The following EHMT1 variants were observed in gnomAD, a reference collection of about 807,000 sequenced individuals.
EHMT1 encodes histone-lysine N-methyltransferase EHMT1.
In EHMT1, 15 loss-of-function variants were observed where a neutral mutation model predicts 147.2. That is an observed-to-expected ratio of 0.10 (90% CI 0.07 to 0.16). The LOEUF (loss-of-function observed/expected upper bound fraction) is 0.16. EHMT1 is among the 10% of genes least tolerant of loss of function. The pLI is 1.00. For missense variants in EHMT1, 1,587 were observed against 1,772.4 expected, an observed-to-expected ratio of 0.90 and a Z score of 1.88; for synonymous variants, 795 against 709.6, an observed-to-expected ratio of 1.12 and a Z score of -1.91.
chr9:137,650,198 A>C (rs773757675), intron 1 of EHMT1, among the ~76,000 whole-genome samples: 9 of 152,120 alleles, frequency 5.9e-5, no homozygotes, highest in Admixed American at 1.3e-4. Context: ...TCCCAGGCTC[A>C]AGTGATCCTC....
At chr9:137,664,319 T>C (rs1939399586) in intron 1 of EHMT1, among the ~76,000 whole-genome samples, 1 of 150,668 alleles carries the variant, frequency 6.6e-6, no homozygotes, top group Admixed American at 6.7e-5. Flanking sequence ...TGAGACTGAG[T>C]CGTGCTCTGT....
rs369301679 is a variant in EHMT1 at position 137,810,098 on chromosome 9, T to C, written c.2713-1363T>C. Among the ~76,000 whole-genome samples the C allele has an allele frequency of 7.5e-4, 84 of 112,184 alleles. 1 individual carries two copies. Among genetic ancestry groups the C allele is most frequent in the Admixed American group, 1.4e-3 (17 of 12,484 alleles). The allele number at this position is 112,184 out of a possible 152,430, so 73.6% of individuals were successfully genotyped here. The stretch of plus-strand genomic sequence containing the variant: ...TCCGGAGGCGGTTCGGATGCCGCCC[T>C]GTGTGGACCGTCGGTGATGGGTCCG... On this transcript the variant is annotated intron_variant, in intron 18 of 26. Transcript: ENST00000460843.
intron 1 of EHMT1, among the ~76,000 whole-genome samples, chr9:137,652,690 T>A (rs1199928225): frequency 6.7e-6 from 1 of 149,728 alleles, no homozygotes; most frequent in Non-Finnish European, 1.5e-5. Context: ...CTGGCTAGTG[T>A]ATCTTAGTTT....
At chr9:137,684,742 C>T (rs901548541) in intron 1 of EHMT1, among the ~76,000 whole-genome samples, 3 of 152,126 alleles carry the variant, frequency 2.0e-5, no homozygotes, top group African/African-American at 7.2e-5. Flanking sequence ...ATCTCCACCT[C>T]AGCCTCCCAA....
intron 1 of EHMT1, among the ~76,000 whole-genome samples, chr9:137,649,680 C>T (rs1845166958): frequency 6.6e-6 from 1 of 152,054 alleles, no homozygotes; most frequent in Non-Finnish European, 1.5e-5. Context: ...GCAGCGGAGG[C>T]AGAGGTGGGA....
chr9:137,769,872 T>G (rs1296483595), intron 10 of EHMT1, among the ~76,000 whole-genome samples: 1 of 152,184 alleles, frequency 6.6e-6, no homozygotes, highest in Non-Finnish European at 1.5e-5. Context: ...GGTCTTACTT[T>G]GTCACCCAGG....
Position 137,775,978 on chromosome 9 carries a change from T to C in EHMT1, c.1792-640T>C, listed in dbSNP as rs1326102399. 2.0e-5 allele frequency among the ~76,000 whole-genome samples: 3 copies of C among 152,234 alleles called. No homozygotes were observed. Among genetic ancestry groups the C allele is most frequent in the South Asian group, 2.1e-4 (1 of 4,830 alleles). ...GCGCCTGTGTGTGTGAGTGTTTGAG[T>C]GTGAGCTTCAGGCACCCAGAGATGC... On this transcript the variant is annotated intron_variant, in intron 11 of 26. Transcript: ENST00000460843. The surrounding 1 kb of genome is among the most constrained non-coding windows in gnomAD (Gnocchi z 6.1).
intron 1 of EHMT1, among the ~76,000 whole-genome samples, chr9:137,628,556 A>G (rs987449412): frequency 1.3e-5 from 2 of 152,216 alleles, no homozygotes; most frequent in African/African-American, 4.8e-5. Flanking sequence ...TTAGGATCAC[A>G]GGCGTGAACT....
chr9:137,811,405 C>T lies in EHMT1; in HGVS notation c.2713-56C>T. ...GGGCTGCAGCTGCTGTGGCCCAGCC[C>T]CAGCACTGTGAGCCAGCAGGAAGCC... On this transcript the variant is annotated intron_variant, in intron 18 of 26. Transcript: ENST00000460843. 8 of 1,606,206 alleles carry T rather than the reference C, an allele frequency of 5.0e-6. No individual in the cohort carries two copies. The South Asian group carries it at 8.8e-5, about 18-fold the overall frequency.
At chr9:137,832,098 C>G (rs1956234944) in intron 25 of EHMT1, among the ~76,000 whole-genome samples, 1 of 151,734 alleles carries the variant, frequency 6.6e-6, no homozygotes, top group Admixed American at 6.6e-5. Context: ...CACTTCGCCC[C>G]AGTCCTAGGA....
intron 4 of EHMT1, among the ~76,000 whole-genome samples, chr9:137,735,987 A>G (rs934336194): frequency 3.9e-5 from 6 of 152,196 alleles, no homozygotes; most frequent in East Asian, 1.9e-4. Flanking sequence ...TTTTATGGCA[A>G]CACTAAATGG....
At chr9:137,761,944 C>T (rs1176396911) in intron 9 of EHMT1, among the ~76,000 whole-genome samples, 3 of 152,248 alleles carry the variant, frequency 2.0e-5, no homozygotes, top group Admixed American at 1.3e-4. Flanking sequence ...CCTCCACCCC[C>T]GCCCCTGCTG....
chr9:137,657,854 T>C (rs1938639328), intron 1 of EHMT1, among the ~76,000 whole-genome samples: 1 of 151,772 alleles, frequency 6.6e-6, no homozygotes, highest in Admixed American at 6.6e-5. Flanking sequence ...CCTTCTACTT[T>C]TTTTTTTTAA....
chr9:137,636,896 C>CT (rs35700929), intron 1 of EHMT1, among the ~76,000 whole-genome samples: 1,469 of 120,928 alleles, frequency 0.012, 30 homozygotes, highest in African/African-American at 0.024. Context: ...CAGTTTCACT[C>CT]TTTTTTTTTT....
intron 18 of EHMT1, among the ~76,000 whole-genome samples, chr9:137,806,562 A>C (rs1358536552): frequency 6.6e-6 from 1 of 151,450 alleles, no homozygotes; most frequent in Non-Finnish European, 1.5e-5. Flanking sequence ...CAGCCTCCTG[A>C]GTACCTGGGA....
chr9:137,743,459 C>G lies in EHMT1; in HGVS notation c.912C>G (p.Thr304=), dbSNP rs1948280592. 1.2e-6 allele frequency: 2 copies of G among 1,613,526 alleles called. No individual in the cohort carries two copies. The highest frequency in any genetic ancestry group is 1.1e-5 in the South Asian group (1 of 91,066). The change falls in exon 5 of 27, where the codon ACC becomes ACG. Residue 304 remains threonine (T), a synonymous_variant. Coordinates refer to ENST00000460843, the MANE Select transcript of EHMT1 (RefSeq NM_024757.5). ...ATAGCCTGGTTCCTAAGAAAAAGAC[C>G]AAAGTATTAAAACAGAGGACGGTGA... ...GTYSLVPKKK[T]KVLKQRTVIE...
rs1950895870 is a variant in EHMT1 at position 137,775,579 on chromosome 9, C to T, written c.1791+327C>T. On this transcript the variant is annotated intron_variant, in intron 11 of 26. Coordinates refer to ENST00000460843, the MANE Select transcript of EHMT1 (RefSeq NM_024757.5). This position sits in a 1 kb window ranked among gnomAD's most constrained non-coding sequence, Gnocchi z 6.1. ...TGAAGGTGTCTAAGGCACTGGGGCTCGAGAGCAGTGGTGAGGGGCTTGTGA... is the reference window on the plus strand; with the variant it reads ...TGAAGGTGTCTAAGGCACTGGGGCTTGAGAGCAGTGGTGAGGGGCTTGTGA... Among the ~76,000 whole-genome samples, 1 of 151,712 alleles carries T rather than the reference C, an allele frequency of 6.6e-6. No individual in the cohort carries two copies. The highest frequency in any genetic ancestry group is 1.5e-5 in the Non-Finnish European group (1 of 67,868).
intron 1 of EHMT1, among the ~76,000 whole-genome samples, chr9:137,645,921 A>C (rs1462592402): frequency 2.6e-5 from 4 of 151,810 alleles, no homozygotes; most frequent in Admixed American, 2.6e-4. Flanking sequence ...TTGGATCTAT[A>C]CTGAGTTAAA....
At chr9:137,818,613 C>T (rs60921690) in intron 25 of EHMT1, among the ~76,000 whole-genome samples, 294 of 29,088 alleles carry the variant, frequency 0.01, 2 homozygotes, top group East Asian at 0.028. Context: ...GTACCGAGAC[C>T]GTAGAGAGGC....
Sources: gnomAD v4.1 joint callset for allele counts (sites outside exome capture counted in the v4.1 genomes callset) on GRCh38, gnomAD v4.1.1 for gene constraint, Gnocchi (gnomAD v3.1) non-coding constraint, MANE v1.5 for transcripts, NCBI Gene and HGNC (gene_info 2026-07-23, HGNC 2026-07-21) for gene names.